The following PDE4D variants were observed in gnomAD, a reference collection of about 807,000 sequenced individuals.
PDE4D encodes 3',5'-cyclic-AMP phosphodiesterase 4D.
A neutral mutation model predicts 87.4 loss-of-function variants in PDE4D; 24 were observed. That is an observed-to-expected ratio of 0.27 (90% confidence interval 0.20 to 0.39). PDE4D has a LOEUF of 0.39. Ranked by LOEUF, PDE4D falls within the 10% of genes least tolerant of loss-of-function variation. The pLI is 1.00. For missense variants in PDE4D, 714 were observed against 1,041.0 expected, an observed-to-expected ratio of 0.69 and a Z score of 4.32; for synonymous variants, 384 against 383.2, an observed-to-expected ratio of 1.00 and a Z score of -0.02.
chr5:59,264,866 A>C (rs945971382), intron 1 of PDE4D, among the ~76,000 whole-genome samples: 1 of 152,044 alleles, frequency 6.6e-6, no homozygotes, highest in Admixed American at 6.6e-5. Context: ...CCACAAGAAC[A>C]GACCTAACCA....
chr5:60,348,456 A>AG (rs1758910388), intron 1 of PDE4D, among the ~76,000 whole-genome samples: 1 of 152,150 alleles, frequency 6.6e-6, no homozygotes, highest in African/African-American at 2.4e-5. Context: ...ATTTTAAAAA[A>AG]AACTCAAGTA....
intron 1 of PDE4D, chr5:59,703,654 ATTAG>A (rs747018456): frequency 3.8e-6 from 2 of 530,760 alleles, no homozygotes; most frequent in East Asian, 5.5e-5. Context: ...ACCAGTTACA[ATTAG>A]TTAGATTAGT....
intron 5 of PDE4D, among the ~76,000 whole-genome samples, chr5:59,068,666 A>G (rs973661615): frequency 6.6e-6 from 1 of 152,238 alleles, no homozygotes. Context: ...ATCAACATGT[A>G]AGCACATGTA....
intron 1 of PDE4D, among the ~76,000 whole-genome samples, chr5:59,852,344 G>A (rs1744802850): frequency 2.6e-5 from 4 of 152,044 alleles, no homozygotes; most frequent in Admixed American, 2.6e-4. Context: ...GACTTTTGAG[G>A]CTCTATCATA....
chr5:58,992,361 G>A (rs115702850), intron 7 of PDE4D, among the ~76,000 whole-genome samples: 2,686 of 152,212 alleles, frequency 0.018, 67 homozygotes, highest in African/African-American at 0.05. Flanking sequence ...TTGTGAAACT[G>A]ACTTAATGAA....
chr5:59,781,879 C>T (rs1764674499), intron 1 of PDE4D, among the ~76,000 whole-genome samples: 1 of 147,676 alleles, frequency 6.8e-6, no homozygotes, highest in African/African-American at 2.5e-5. Context: ...TGGACTAAAG[C>T]TGATTTTAAG....
At chr5:59,368,409 A>G (rs1405046956) in intron 1 of PDE4D, among the ~76,000 whole-genome samples, 1 of 152,226 alleles carries the variant, frequency 6.6e-6, no homozygotes, top group Non-Finnish European at 1.5e-5. Context: ...AAACGTTAGT[A>G]TGCTTATGAG....
At chr5:60,233,200 C>T (rs1034688361) in intron 1 of PDE4D, among the ~76,000 whole-genome samples, 2 of 151,184 alleles carry the variant, frequency 1.3e-5, no homozygotes, top group South Asian at 4.2e-4. Context: ...CACACATACA[C>T]ACACACACAC....
chr5:60,509,807 T>TA (rs1406042965), intron 1 of PDE4D, among the ~76,000 whole-genome samples: 3 of 152,190 alleles, frequency 2.0e-5, no homozygotes, highest in South Asian at 4.1e-4. Context: ...TTGGAGATAT[T>TA]TCTTTTAAAA....
chr5:59,154,235 A>G (rs1443097373), intron 5 of PDE4D, among the ~76,000 whole-genome samples: 1 of 152,222 alleles, frequency 6.6e-6, no homozygotes, highest in East Asian at 1.9e-4. Context: ...AAGAGGTGCA[A>G]CAGAGATCGA....
chr5:59,811,004 G>A (rs748446920), intron 1 of PDE4D, among the ~76,000 whole-genome samples: 36 of 152,166 alleles, frequency 2.4e-4, no homozygotes, highest in Non-Finnish European at 4.4e-4. Context: ...AATAAGTTAG[G>A]AAGAATCTGG....
At chr5:60,273,437 A>C (rs1022413133) in intron 1 of PDE4D, among the ~76,000 whole-genome samples, 4 of 152,176 alleles carry the variant, frequency 2.6e-5, no homozygotes, top group Non-Finnish European at 5.9e-5. Flanking sequence ...TTTTTAAGTC[A>C]TAATAAGGAC....
At chr5:60,103,574 T>C (rs973168591) in intron 2 of PDE4D, among the ~76,000 whole-genome samples, 1 of 152,168 alleles carries the variant, frequency 6.6e-6, no homozygotes, top group Non-Finnish European at 1.5e-5. Context: ...TGAATACATG[T>C]AGTGACCTGT....
chr5:59,038,155 T>C (rs1220065660), intron 6 of PDE4D, among the ~76,000 whole-genome samples: 5 of 152,314 alleles, frequency 3.3e-5, no homozygotes, highest in South Asian at 4.1e-4. Context: ...CCGTGCTATT[T>C]TAAGGCTGTC....
At chr5:59,417,099 A>G (rs1483264543) in intron 1 of PDE4D, among the ~76,000 whole-genome samples, 5 of 152,158 alleles carry the variant, frequency 3.3e-5, no homozygotes, top group African/African-American at 1.2e-4. Context: ...TCTAGGTATT[A>G]TTTTAACATA....
chr5:59,955,101 C>A (rs1051940490), intron 3 of PDE4D, among the ~76,000 whole-genome samples: 40 of 152,100 alleles, frequency 2.6e-4, no homozygotes, highest in African/African-American at 8.7e-4. Context: ...GTAATCAATG[C>A]AAGTATTTAA....
At chr5:60,309,905 T>TA (rs752873695) in intron 1 of PDE4D, among the ~76,000 whole-genome samples, 7 of 152,230 alleles carry the variant, frequency 4.6e-5, no homozygotes, top group Non-Finnish European at 8.8e-5. Context: ...AACATCACAA[T>TA]AAAAAGATTT....
At chr5:60,107,013 G>A (rs200665477) in intron 2 of PDE4D, among the ~76,000 whole-genome samples, 1 of 140,016 alleles carries the variant, frequency 7.1e-6, no homozygotes, top group Non-Finnish European at 1.6e-5. Context: ...AAAATCAGAG[G>A]AGAACTGAAG....
chr5:59,093,243 C>T lies in PDE4D; in HGVS notation c.809-54272G>A, dbSNP rs140682018. 6.1e-3 allele frequency among the ~76,000 whole-genome samples: 925 copies of T among 152,230 alleles called. 1 individual carries two copies. Among genetic ancestry groups the T allele is most frequent in the Middle Eastern group, 0.014 (4 of 294 alleles). On this transcript the variant is annotated intron_variant, in intron 5 of 14. Transcript: ENST00000340635. ...AGAATTAAGGAAGGCAGGAGTTTAG[C>T]GAGGGGCTGAAAGTGTATTAAAATT...
Sources: gnomAD v4.1 joint callset for allele counts (sites outside exome capture counted in the v4.1 genomes callset) on GRCh38, gnomAD v4.1.1 for gene constraint, MANE v1.5 for transcripts, NCBI Gene and HGNC (gene_info 2026-07-23, HGNC 2026-07-21) for gene names.